LRRC4C: variants seen among roughly 807,000 people sequenced by gnomAD.
LRRC4C encodes leucine-rich repeat-containing protein 4C.
Under a neutral mutation model 33.6 loss-of-function variants are expected in LRRC4C, and 5 were observed. The ratio of observed to expected loss-of-function variants is 0.15; its 90% confidence interval spans 0.08 to 0.31. LRRC4C has a LOEUF of 0.31. Ranked by LOEUF, LRRC4C falls within the 10% of genes least tolerant of loss-of-function variation. The probability of loss-of-function intolerance (pLI) is 1.00; values close to 1 mark genes in which losing one functional copy is unlikely to be tolerated. For synonymous variants in LRRC4C, 329 were observed against 302.0 expected, an observed-to-expected ratio of 1.09 and a Z score of -0.93; for missense variants, 560 against 796.7, an observed-to-expected ratio of 0.70 and a Z score of 3.58.
At chr11:40,440,765 C>T (rs1412187820) in intron 3 of LRRC4C, among the ~76,000 whole-genome samples, 1 of 152,100 alleles carries the variant, frequency 6.6e-6, no homozygotes, top group Non-Finnish European at 1.5e-5. Context: ...CTAAAATTAA[C>T]AGATCCTGTA....
intron 3 of LRRC4C, among the ~76,000 whole-genome samples, chr11:40,374,369 T>C (rs1766066752): frequency 6.6e-6 from 1 of 152,184 alleles, no homozygotes; most frequent in Non-Finnish European, 1.5e-5. Context: ...CGTTAGACTC[T>C]GAAGATACAG....
intron 3 of LRRC4C, among the ~76,000 whole-genome samples, chr11:40,496,030 T>G (rs1159518051): frequency 6.6e-6 from 1 of 151,748 alleles, no homozygotes; most frequent in Non-Finnish European, 1.5e-5. Context: ...TGGTTTCACC[T>G]GGTTTCACCA....
chr11:40,943,291 A>G (rs1413325113), intron 1 of LRRC4C, among the ~76,000 whole-genome samples: 1 of 152,170 alleles, frequency 6.6e-6, no homozygotes, highest in East Asian at 1.9e-4. Flanking sequence ...CTTAGTATAG[A>G]GGAGCAAAGT....
intron 2 of LRRC4C, among the ~76,000 whole-genome samples, chr11:40,853,925 T>G (rs942694505): frequency 1.3e-5 from 2 of 152,208 alleles, no homozygotes. Flanking sequence ...TTGCTAACTC[T>G]TCCCAAATCT....
intron 3 of LRRC4C, among the ~76,000 whole-genome samples, chr11:40,619,360 G>A (rs1495302): frequency 0.43 from 65,525 of 151,454 alleles, 15,241 homozygotes; most frequent in Middle Eastern, 0.57. Flanking sequence ...GATGAAGAAT[G>A]TTCATACTTA....
intron 1 of LRRC4C, among the ~76,000 whole-genome samples, chr11:41,235,676 A>T (rs1947990371): frequency 6.6e-6 from 1 of 152,138 alleles, no homozygotes; most frequent in South Asian, 2.1e-4. Flanking sequence ...CCATGTAAAC[A>T]AAAGCTTAAA....
intron 2 of LRRC4C, among the ~76,000 whole-genome samples, chr11:40,854,097 G>A (rs1474784693): frequency 1.3e-5 from 2 of 152,200 alleles, no homozygotes; most frequent in African/African-American, 2.4e-5. Flanking sequence ...CTCGGCAGTG[G>A]CAGCTTCTAT....
At chr11:41,024,117 C>T (rs924211352) in intron 1 of LRRC4C, among the ~76,000 whole-genome samples, 5 of 151,680 alleles carry the variant, frequency 3.3e-5, no homozygotes, top group African/African-American at 9.7e-5. Context: ...GAAAGCCAAA[C>T]GGCATCCAAG....
At chr11:41,452,121 C>G (rs911099266) in intron 1 of LRRC4C, among the ~76,000 whole-genome samples, 2 of 152,020 alleles carry the variant, frequency 1.3e-5, no homozygotes, top group East Asian at 3.9e-4. Context: ...TTTACTTCTT[C>G]CATTTGGAGT....
chr11:40,831,864 C>T (rs1272890851), intron 2 of LRRC4C, among the ~76,000 whole-genome samples: 4 of 152,004 alleles, frequency 2.6e-5, no homozygotes, highest in Non-Finnish European at 4.4e-5. Context: ...CCACTGGGTC[C>T]CTCCCATGAC....
intron 1 of LRRC4C, among the ~76,000 whole-genome samples, chr11:40,996,150 T>C (rs556748098): frequency 6.6e-6 from 1 of 152,304 alleles, no homozygotes; most frequent in South Asian, 2.1e-4. Flanking sequence ...TAATTTGTAG[T>C]TACCAAATGA....
At chr11:40,253,852 A>G (rs1424778319) in intron 4 of LRRC4C, among the ~76,000 whole-genome samples, 1 of 152,210 alleles carries the variant, frequency 6.6e-6, no homozygotes, top group East Asian at 1.9e-4. Flanking sequence ...TAAATGAGTT[A>G]ATAGTTATAA....
rs1956427623 is a variant in LRRC4C at position 40,906,605 on chromosome 11, A to AT, written c.-407+27029_-407+27030insA. Among the ~76,000 whole-genome samples, 3 of 152,284 alleles carry AT rather than the reference A, an allele frequency of 2.0e-5. No homozygotes were observed. In the South Asian group the frequency reaches 6.2e-4, roughly 32 times the overall value. ...CTTTTATATACACTGGGAAACCGAA[A>AT]AAATTCTATGACTTGCTTTATTTTG... On this transcript the variant is annotated intron_variant, in intron 2 of 6. Transcript: ENST00000528697.
chr11:41,150,511 G>C (rs1943941675), intron 1 of LRRC4C, among the ~76,000 whole-genome samples: 1 of 151,986 alleles, frequency 6.6e-6, no homozygotes. Flanking sequence ...ATATGATTTT[G>C]CCAGGCGCGG....
At chr11:40,348,621 A>G (rs1947244268) in intron 3 of LRRC4C, among the ~76,000 whole-genome samples, 1 of 152,212 alleles carries the variant, frequency 6.6e-6, no homozygotes, top group Non-Finnish European at 1.5e-5. Context: ...TGCTCCCAGC[A>G]TCTTAGACAA....
At chr11:40,634,589 G>T (rs913651602) in intron 3 of LRRC4C, among the ~76,000 whole-genome samples, 3 of 152,048 alleles carry the variant, frequency 2.0e-5, no homozygotes, top group African/African-American at 7.2e-5. Flanking sequence ...TAAATGCTTG[G>T]CTGGGGACCG....
chr11:40,383,109 G>T lies in LRRC4C; in HGVS notation c.-269-63388C>A, dbSNP rs981229534. 5.3e-5 allele frequency among the ~76,000 whole-genome samples: 7 copies of T among 131,428 alleles called. No homozygotes were observed. In the South Asian group the frequency reaches 8.4e-4, roughly 16 times the overall value. 86.2% of individuals were successfully genotyped at this position (131,428 alleles called of 152,430 possible). ...TACTTTCAATTTTTTAATGTAAGTG[G>T]TATTTTGCAGAGTTTGTCATGTGTC... On this transcript the variant is annotated intron_variant, in intron 3 of 6. Transcript: ENST00000528697.
At chr11:40,353,643 G>C (rs899435593) in intron 3 of LRRC4C, among the ~76,000 whole-genome samples, 3 of 152,300 alleles carry the variant, frequency 2.0e-5, no homozygotes, top group African/African-American at 7.2e-5. Flanking sequence ...GAATTTGGGA[G>C]GTGGGGGTTG....
At chr11:40,336,528 T>C (rs1369709986) in intron 3 of LRRC4C, among the ~76,000 whole-genome samples, 1 of 152,180 alleles carries the variant, frequency 6.6e-6, no homozygotes, top group East Asian at 1.9e-4. Flanking sequence ...TTCAGATTCA[T>C]ACAACTGGGA....
Sources: gnomAD v4.1 joint callset for allele counts (sites outside exome capture counted in the v4.1 genomes callset) on GRCh38, gnomAD v4.1.1 for gene constraint, MANE v1.5 for transcripts, NCBI Gene and HGNC (gene_info 2026-07-23, HGNC 2026-07-21) for gene names.